The following MALRD1 variants were observed in gnomAD, a reference collection of about 807,000 sequenced individuals.
MALRD1 encodes the protein MAM and LDL-receptor class A domain-containing protein 1.
Under a neutral mutation model 242.1 loss-of-function variants are expected in MALRD1, and 247 were observed. The observed-to-expected ratio is 1.02, with a 90% CI of 0.92 to 1.13. The LOEUF (loss-of-function observed/expected upper bound fraction) is 1.13, where lower values mean the gene tolerates loss of function less well. MALRD1 is among the 50% of genes most tolerant of loss of function. MALRD1 has a pLI of 0.00. For missense variants in MALRD1, 2,989 were observed against 2,533.1 expected, an observed-to-expected ratio of 1.18 and a Z score of -3.86; for synonymous variants, 995 against 866.6, an observed-to-expected ratio of 1.15 and a Z score of -2.60.
intron 17 of MALRD1, among the ~76,000 whole-genome samples, chr10:19,208,920 C>T (rs1414629726): frequency 6.6e-6 from 1 of 152,148 alleles, no homozygotes; most frequent in Non-Finnish European, 1.5e-5. Flanking sequence ...AGGTTGAAAT[C>T]TACTGAGCCA....
At chr10:19,479,024 C>T (rs1469143755) in intron 29 of MALRD1, among the ~76,000 whole-genome samples, 1 of 152,192 alleles carries the variant, frequency 6.6e-6, no homozygotes, top group African/African-American at 2.4e-5. Flanking sequence ...CAAATAGCCA[C>T]CTATTCTCAC....
intron 28 of MALRD1, among the ~76,000 whole-genome samples, chr10:19,400,132 T>A (rs1846768426): frequency 6.6e-6 from 1 of 152,172 alleles, no homozygotes; most frequent in African/African-American, 2.4e-5. Context: ...ATCATGGAGC[T>A]TGTGAGTTTA....
intron 12 of MALRD1, among the ~76,000 whole-genome samples, chr10:19,158,083 C>T (rs1834242973): frequency 6.6e-6 from 1 of 152,152 alleles, no homozygotes; most frequent in African/African-American, 2.4e-5. Flanking sequence ...CACGAGGGAG[C>T]CCAAAGCTAT....
intron 26 of MALRD1, among the ~76,000 whole-genome samples, chr10:19,381,054 C>T (rs1845816700): frequency 9.1e-6 from 1 of 110,454 alleles, no homozygotes; most frequent in African/African-American, 3.5e-5. Context: ...TGCTATCCCT[C>T]CCCCCTCCCC....
chr10:19,238,406 G>A (rs191535234), intron 18 of MALRD1, among the ~76,000 whole-genome samples: 6,450 of 50,370 alleles, frequency 0.13, 893 homozygotes, highest in Middle Eastern at 0.2. Flanking sequence ...TATATATTAT[G>A]TATAATATAT....
intron 2 of MALRD1, among the ~76,000 whole-genome samples, chr10:19,074,882 TA>T (rs1835269436): frequency 6.6e-6 from 1 of 152,016 alleles, no homozygotes; most frequent in Admixed American, 6.6e-5. Flanking sequence ...CAGAAGTACA[TA>T]AAAATCCTAT....
intron 2 of MALRD1, among the ~76,000 whole-genome samples, chr10:19,082,606 T>C (rs557235979): frequency 6.6e-6 from 1 of 152,052 alleles, no homozygotes; most frequent in African/African-American, 2.4e-5. Context: ...TGCTTTGCTT[T>C]TTTTCTCTCT....
rs576552296 is a variant in MALRD1, at chr10:19,729,893, C to T, written c.6315-813C>T. On this transcript the variant is annotated intron_variant, in intron 38 of 39. Coordinates refer to ENST00000454679, the MANE Select transcript of MALRD1 (RefSeq NM_001142308.3). The stretch of plus-strand genomic sequence containing the variant: ...CTGGGACTACAGGCGCCCGCCACCA[C>T]GCCCGGCTAATTTTTTTGTATTTTC... Among the ~76,000 whole-genome samples, 6 of 151,464 alleles carry T rather than the reference C, an allele frequency of 4.0e-5. No homozygotes were observed. In the East Asian group the frequency reaches 7.8e-4, roughly 20 times the overall value.
intron 13 of MALRD1, among the ~76,000 whole-genome samples, chr10:19,174,755 T>G (rs1280182500): frequency 6.6e-6 from 1 of 152,108 alleles, no homozygotes; most frequent in African/African-American, 2.4e-5. Context: ...TTTCTGTGTA[T>G]GTATATAATA....
intron 26 of MALRD1, among the ~76,000 whole-genome samples, chr10:19,378,510 G>A (rs1165449573): frequency 6.6e-6 from 1 of 152,178 alleles, no homozygotes; most frequent in Admixed American, 6.5e-5. Flanking sequence ...TGATCAATCA[G>A]TATATGGTCT....
chr10:19,728,483 A>T (rs1196558743), intron 38 of MALRD1: 1 of 152,118 alleles, frequency 6.6e-6, no homozygotes, highest in Non-Finnish European at 1.5e-5. Flanking sequence ...GCTTCATATC[A>T]AGATCTTTTG....
intron 21 of MALRD1, among the ~76,000 whole-genome samples, chr10:19,322,482 T>C (rs1263642005): frequency 6.6e-6 from 1 of 152,196 alleles, no homozygotes; most frequent in Non-Finnish European, 1.5e-5. Flanking sequence ...GGTACTGTGT[T>C]AGATATTACA....
chr10:19,587,234 G>T (rs1362788293), intron 33 of MALRD1, among the ~76,000 whole-genome samples: 2 of 152,196 alleles, frequency 1.3e-5, no homozygotes, highest in Non-Finnish European at 2.9e-5. Flanking sequence ...TTCCTATTTG[G>T]CCATCTTGGC....
In MALRD1 at chr10:19,097,654, C is replaced by G. The variant is rs145456526; in HGVS notation, c.598-6325C>G. ...CTTGAGTGAGGGCTAGGAAAATGAGCTTTCTGTGTTGCATTTCCAGAAAGC... is the reference window on the plus strand; with the variant it reads ...CTTGAGTGAGGGCTAGGAAAATGAGGTTTCTGTGTTGCATTTCCAGAAAGC... On this transcript the variant is annotated intron_variant, in intron 4 of 39. Coordinates refer to ENST00000454679, the MANE Select transcript of MALRD1 (RefSeq NM_001142308.3). Among the ~76,000 whole-genome samples, 1,072 of 152,226 alleles carry G rather than the reference C, an allele frequency of 7.0e-3. 12 individuals carry two copies. Among genetic ancestry groups the G allele is most frequent in the African/African-American group, 0.025 (1,031 of 41,544 alleles).
intron 34 of MALRD1, among the ~76,000 whole-genome samples, chr10:19,604,196 C>T (rs1464935006): frequency 6.6e-6 from 1 of 152,122 alleles, no homozygotes; most frequent in Admixed American, 6.6e-5. Context: ...CCAGTGAATA[C>T]ACAAATGATA....
At chr10:19,328,277 T>C (rs1843219344) in intron 23 of MALRD1, among the ~76,000 whole-genome samples, 1 of 152,136 alleles carries the variant, frequency 6.6e-6, no homozygotes, top group Non-Finnish European at 1.5e-5. Context: ...ATATTTCTTA[T>C]GGATTACCAA....
At chr10:19,213,283 T>G (rs2803833) in intron 18 of MALRD1, among the ~76,000 whole-genome samples, 111,756 of 152,006 alleles carry the variant, frequency 0.74, 41,324 homozygotes, top group South Asian at 0.83. Context: ...TTTTAAAAAT[T>G]TATTGTCTCT....
At chr10:19,054,723 G>T (rs1834610682) in intron 1 of MALRD1, among the ~76,000 whole-genome samples, 1 of 152,086 alleles carries the variant, frequency 6.6e-6, no homozygotes, top group Non-Finnish European at 1.5e-5. Flanking sequence ...GTGTTGTCAC[G>T]AATGACAGGA....
intron 36 of MALRD1, among the ~76,000 whole-genome samples, chr10:19,629,917 C>A (rs1376046072): frequency 1.3e-5 from 2 of 152,178 alleles, no homozygotes; most frequent in African/African-American, 4.8e-5. Context: ...GGTGGCTGAT[C>A]TCTGCCTTAC....
Sources: allele counts gnomAD v4.1 joint callset (sites outside exome capture counted in the v4.1 genomes callset), GRCh38; gene constraint gnomAD v4.1.1; transcripts MANE v1.5; gene names NCBI Gene and HGNC (gene_info 2026-07-23, HGNC 2026-07-21).